The following ANP32E variants were observed in gnomAD, a reference collection of about 807,000 sequenced individuals.
The protein encoded by ANP32E is acidic leucine-rich nuclear phosphoprotein 32 family member E.
Under a neutral mutation model 35.3 loss-of-function variants are expected in ANP32E, and 14 were observed. The observed-to-expected ratio is 0.40, with a 90% confidence interval of 0.26 to 0.62. ANP32E has a LOEUF of 0.62. ANP32E is among the 20% of genes least tolerant of loss of function. The probability of loss-of-function intolerance (pLI) is 0.45; values close to 1 mark genes in which losing one functional copy is unlikely to be tolerated. For missense variants in ANP32E, 198 were observed against 304.4 expected, an observed-to-expected ratio of 0.65 and a Z score of 2.60; for synonymous variants, 89 against 110.4, an observed-to-expected ratio of 0.81 and a Z score of 1.22.
In ANP32E at chr1:150,220,769, A is replaced by C; in HGVS notation, c.737-8T>G. 1.2e-6 allele frequency: 2 copies of C among 1,612,092 alleles called. No homozygotes were observed. Among genetic ancestry groups the C allele is most frequent in the South Asian group, 2.2e-5 (2 of 91,036 alleles). On this transcript the variant is annotated splice_region_variant and splice_polypyrimidine_tract_variant and intron_variant, in intron 6 of 6. Transcript: ENST00000583931. The stretch of plus-strand genomic sequence containing the variant: ...CTCGAAGACCTCCTTCTTCTTAAAG[A>C]GTGGAAAGAAAAATGCAAAGTGCTT...
chr1:150,222,098 G>GAAATAAAATA (rs56336280), intron 6 of ANP32E, among the ~76,000 whole-genome samples: 18 of 147,680 alleles, frequency 1.2e-4, no homozygotes, highest in South Asian at 2.2e-4. Context: ...ACAATAAAAT[G>GAAATAAAATA]AAATAAAATA....
At chr1:150,223,584 C>A (rs1188889709) in intron 5 of ANP32E, among the ~76,000 whole-genome samples, 2 of 146,882 alleles carry the variant, frequency 1.4e-5, no homozygotes, top group African/African-American at 5.0e-5. Flanking sequence ...GGGAGGCTGA[C>A]GCAGGAGAAT....
intron 3 of ANP32E, among the ~76,000 whole-genome samples, chr1:150,229,845 C>T (rs1649211980): frequency 6.6e-6 from 1 of 152,228 alleles, no homozygotes. Context: ...ATCTCCTGAC[C>T]TCATGATCGG....
intron 3 of ANP32E, 45 bp downstream of exon 3, chr1:150,230,526 T>G: frequency 6.6e-7 from 1 of 1,513,158 alleles, no homozygotes; most frequent in South Asian, 1.3e-5. Flanking sequence ...TCTCAGAAAA[T>G]TTAACCAAAA....
chr1:150,223,622 A>G (rs1279533951), intron 5 of ANP32E, among the ~76,000 whole-genome samples: 4 of 135,472 alleles, frequency 3.0e-5, no homozygotes, highest in African/African-American at 1.1e-4. Flanking sequence ...CAGAGGTTGC[A>G]GTGAGCTGAG....
chr1:150,222,636 T>C (rs1364436675), intron 6 of ANP32E, among the ~76,000 whole-genome samples: 2 of 150,722 alleles, frequency 1.3e-5, no homozygotes, highest in Non-Finnish European at 3.0e-5. Context: ...TGTGTGCCTG[T>C]GGTCCCAGCT....
intron 1 of ANP32E, chr1:150,234,808 C>T (rs1553842823): frequency 3.2e-6 from 1 of 313,710 alleles, no homozygotes; most frequent in Admixed American, 6.5e-5. Flanking sequence ...GCGGAAACGC[C>T]TCCTACCCGA....
In ANP32E at chr1:150,231,726, C is replaced by CAT; in HGVS notation, c.204+49_204+50dup. ...TCATTCCATTTGGCCAAACACTAGA[C>CAT]ATATAGCCGTGGCATTGAAATCATG... On this transcript the variant is annotated intron_variant, in intron 2 of 6. Coordinates refer to ENST00000583931, the MANE Select transcript of ANP32E (RefSeq NM_030920.5). The CAT allele has an allele frequency of 2.0e-6, 3 of 1,506,586 alleles. No individual in the cohort carries two copies. The South Asian group carries it at 3.7e-5, about 18-fold the overall frequency. The allele number at this position is 1,506,586 out of a possible 1,614,324, so 93.3% of individuals were successfully genotyped here.
At chr1:150,222,089 CA>C (rs1275106921) in intron 6 of ANP32E, among the ~76,000 whole-genome samples, 5 of 137,030 alleles carry the variant, frequency 3.6e-5, no homozygotes, top group Non-Finnish European at 7.6e-5. Flanking sequence ...TGTCTCAAAA[CA>C]ATAAAATGAA....
intron 6 of ANP32E, among the ~76,000 whole-genome samples, chr1:150,221,604 G>GGGAAGGAAGGAAGGAAGGAAGGAAGGAA (rs1330142808): frequency 0.18 from 6,516 of 36,766 alleles, 1,185 homozygotes; most frequent in East Asian, 0.26. Context: ...GAGGGAGGGA[G>GGGAAGGAAGGAAGGAAGGAAGGAAGGAA]GGAAGGAAGG....
chr1:150,228,437 A>G (rs1218094170), intron 4 of ANP32E, among the ~76,000 whole-genome samples: 2 of 152,172 alleles, frequency 1.3e-5, no homozygotes, highest in East Asian at 3.8e-4. Flanking sequence ...CACGCTGGTA[A>G]TCCCAGCACT....
chr1:150,226,926 CT>C (rs1208403631), intron 4 of ANP32E, 131 bp from the exon 5 acceptor site: 70,832 of 858,558 alleles, frequency 0.083, no homozygotes, highest in South Asian at 0.11. Flanking sequence ...CACAGCGATA[CT>C]TTTTTTTTTT....
intron 6 of ANP32E, among the ~76,000 whole-genome samples, chr1:150,221,036 A>T (rs1252338858): frequency 2.1e-5 from 3 of 142,216 alleles, no homozygotes; most frequent in Non-Finnish European, 4.5e-5. Flanking sequence ...AATTCCATGA[A>T]CCTGGAAGGC....
At chr1:150,222,821 G>C (rs1375416728) in intron 6 of ANP32E, among the ~76,000 whole-genome samples, 1 of 151,616 alleles carries the variant, frequency 6.6e-6, no homozygotes, top group Non-Finnish European at 1.5e-5. Flanking sequence ...AATCTAAAAA[G>C]AGCATTAATT....
chr1:150,230,117 G>A lies in ANP32E; in HGVS notation c.327+454C>T, dbSNP rs893717928. On this transcript the variant is annotated intron_variant, in intron 3 of 6. Transcript: ENST00000583931. ...TGGTCTCAAACTCCTGGACTCAAGC[G>A]ATCCTCCCACCTCTGCCTCTCCAAG... is the stretch of plus-strand genomic sequence containing the variant. Among the ~76,000 whole-genome samples the A allele has an allele frequency of 3.3e-5, 5 of 151,928 alleles. 1 individual carries two copies. The South Asian group carries it at 6.2e-4, about 19-fold the overall frequency.
At chr1:150,232,293 G>A (rs1284139366) in intron 1 of ANP32E, among the ~76,000 whole-genome samples, 2 of 132,420 alleles carry the variant, frequency 1.5e-5, no homozygotes, top group African/African-American at 5.5e-5. Flanking sequence ...GCAGTGAGCC[G>A]AGATCCCGCC....
At chr1:150,222,836 G>A (rs1553838512) in intron 6 of ANP32E, among the ~76,000 whole-genome samples, 1 of 151,744 alleles carries the variant, frequency 6.6e-6, no homozygotes, top group East Asian at 1.9e-4. Flanking sequence ...TTAATTATCT[G>A]GAGTTCAACT....
rs1648112029 is a variant in ANP32E, at chr1:150,218,694, C to T, written c.*1997G>A. 1 of 152,528 alleles carries T rather than the reference C, an allele frequency of 6.6e-6. No homozygotes were observed. The highest frequency in any genetic ancestry group is 6.6e-5 in the Admixed American group (1 of 15,258). 9.4% of individuals were successfully genotyped at this position (152,528 alleles called of 1,614,324 possible). ...AAGAGCATTAAAATAGGACCGAAAA[C>T]TTCTACAAAATATAAAACCCACCCT... On this transcript the variant is annotated 3_prime_UTR_variant, in exon 7 of 7. Transcript: ENST00000583931.
chr1:150,220,229 A>C lies in ANP32E; in HGVS notation c.*462T>G, dbSNP rs1648228313. ...GTCAAAAAAAAAAAAAAAAAAAGGT[A>C]ACTGCCTTCAAACTAAAGATTCCTG... On this transcript the variant is annotated 3_prime_UTR_variant, in exon 7 of 7. Transcript: ENST00000583931. 1.0e-5 allele frequency: 1 copy of C among 99,756 alleles called. No homozygotes were observed. Among genetic ancestry groups the C allele is most frequent in the South Asian group, 3.7e-4 (1 of 2,692 alleles). The allele number at this position is 99,756 out of a possible 1,614,324, so 6.2% of individuals were successfully genotyped here. A position where few individuals can be genotyped will look rare whatever the true frequency, so the allele number is the denominator to read the frequency against.
Sources: gnomAD v4.1 joint callset for allele counts (sites outside exome capture counted in the v4.1 genomes callset) on GRCh38, gnomAD v4.1.1 for gene constraint, MANE v1.5 for transcripts, NCBI Gene and HGNC (gene_info 2026-07-23, HGNC 2026-07-21) for gene names.